The following L3MBTL3 variants were observed in gnomAD, a reference collection of about 807,000 sequenced individuals.
The protein encoded by L3MBTL3 is L3MBTL histone methyl-lysine binding protein 3.
L3MBTL3 carries 27 observed loss-of-function variants against 102.3 expected under a neutral mutation model. The observed-to-expected ratio is 0.26, with a 90% CI of 0.19 to 0.36. The LOEUF (loss-of-function observed/expected upper bound fraction) is 0.36. L3MBTL3 is among the 10% of genes least tolerant of loss of function. L3MBTL3 has a pLI of 1.00. For missense variants in L3MBTL3, 798 were observed against 955.3 expected (o/e 0.84, Z 2.17); for synonymous variants, 340 against 320.9 (o/e 1.06, Z -0.64).
chr6:130,067,756 C>T (rs930943766), intron 11 of L3MBTL3, among the ~76,000 whole-genome samples: 1 of 152,108 alleles, frequency 6.6e-6, no homozygotes, highest in Non-Finnish European at 1.5e-5. Flanking sequence ...AAATAAGATG[C>T]TCAATTTCCT....
chr6:130,071,844 A>G (rs1782657013), intron 13 of L3MBTL3, among the ~76,000 whole-genome samples: 1 of 152,176 alleles, frequency 6.6e-6, no homozygotes, highest in South Asian at 2.1e-4. Flanking sequence ...TAGTATCCAT[A>G]TATTTAAACA....
At chr6:130,054,085 T>C (rs1781297491) in intron 7 of L3MBTL3, among the ~76,000 whole-genome samples, 1 of 152,178 alleles carries the variant, frequency 6.6e-6, no homozygotes, top group South Asian at 2.1e-4. Flanking sequence ...GCATGAACAG[T>C]GTGATCTGAT....
chr6:130,030,458 C>T (rs1233515167), intron 2 of L3MBTL3, among the ~76,000 whole-genome samples: 6 of 151,612 alleles, frequency 4.0e-5, no homozygotes, highest in Non-Finnish European at 4.4e-5. Context: ...GTCAGGAGAT[C>T]GAGACCATCC....
At chr6:130,119,559 A>G (rs1026147635) in intron 19 of L3MBTL3, among the ~76,000 whole-genome samples, 16 of 152,122 alleles carry the variant, frequency 1.1e-4, no homozygotes, top group African/African-American at 3.6e-4. Flanking sequence ...CCGTAGCTTC[A>G]TCCTTCTACT....
intron 1 of L3MBTL3, among the ~76,000 whole-genome samples, chr6:130,021,789 C>T (rs1318232804): frequency 6.6e-6 from 1 of 152,152 alleles, no homozygotes; most frequent in African/African-American, 2.4e-5. Flanking sequence ...AATTTTGTTT[C>T]ACTGAGTACG....
chr6:130,093,994 C>T (rs1223915376), intron 17 of L3MBTL3, among the ~76,000 whole-genome samples: 3 of 152,096 alleles, frequency 2.0e-5, no homozygotes, highest in African/African-American at 4.8e-5. Flanking sequence ...GACTTTATGA[C>T]GTTTTGAAAG....
chr6:130,025,419 A>G (rs982928768), intron 2 of L3MBTL3, among the ~76,000 whole-genome samples: 4 of 152,176 alleles, frequency 2.6e-5, no homozygotes, highest in African/African-American at 9.6e-5. Flanking sequence ...ACGGATTTGT[A>G]TTGACTGTGG....
chr6:130,050,611 G>T (rs1481613053), intron 5 of L3MBTL3, among the ~76,000 whole-genome samples: 2 of 152,108 alleles, frequency 1.3e-5, no homozygotes. Flanking sequence ...ATAAATACTG[G>T]TTTTCTTGCC....
At chr6:130,129,081 G>A (rs1217846473) in intron 20 of L3MBTL3, among the ~76,000 whole-genome samples, 2 of 152,082 alleles carry the variant, frequency 1.3e-5, no homozygotes, top group African/African-American at 4.8e-5. Flanking sequence ...TGGTGGTGCT[G>A]TGTTCTAAGA....
chr6:130,127,285 C>T (rs79844377), intron 20 of L3MBTL3, among the ~76,000 whole-genome samples: 3,288 of 152,226 alleles, frequency 0.022, 115 homozygotes, highest in African/African-American at 0.074. Flanking sequence ...TTCTAGAGAA[C>T]TTCTCTCTGC....
intron 22 of L3MBTL3, chr6:130,137,614 G>GT (rs66739563): frequency 7.2e-4 from 105 of 146,606 alleles, no homozygotes; most frequent in African/African-American, 1.3e-3. Context: ...TTCTCTGGAT[G>GT]TTTTTTTTTT....
chr6:130,037,149 G>T (rs1328076570), intron 2 of L3MBTL3, among the ~76,000 whole-genome samples: 2 of 152,174 alleles, frequency 1.3e-5, no homozygotes, highest in African/African-American at 4.8e-5. Flanking sequence ...AGTATGTATT[G>T]TGCCTGACAC....
chr6:130,061,024 G>A (rs1331815621), intron 10 of L3MBTL3, among the ~76,000 whole-genome samples: 1 of 151,348 alleles, frequency 6.6e-6, no homozygotes, highest in Non-Finnish European at 1.5e-5. Flanking sequence ...ATAACATACG[G>A]TTACATAGGG....
At chr6:130,051,972 G>A (rs1781124565) in intron 6 of L3MBTL3, among the ~76,000 whole-genome samples, 1 of 152,210 alleles carries the variant, frequency 6.6e-6, no homozygotes, top group Admixed American at 6.5e-5. Flanking sequence ...GGGACAGTCT[G>A]ACAAAGTTCA....
intron 20 of L3MBTL3, among the ~76,000 whole-genome samples, chr6:130,128,332 C>G (rs1392112343): frequency 6.6e-6 from 1 of 152,120 alleles, no homozygotes; most frequent in Non-Finnish European, 1.5e-5. Context: ...GTCAGGAAAT[C>G]AGATTCCATT....
At chr6:130,058,967 C>A (rs1781710871) in intron 9 of L3MBTL3, among the ~76,000 whole-genome samples, 1 of 152,130 alleles carries the variant, frequency 6.6e-6, no homozygotes, top group Non-Finnish European at 1.5e-5. Flanking sequence ...AGGACGATTA[C>A]ATCTGCATTA....
rs750860380 is a variant in L3MBTL3, at chr6:130,104,493, G to GA, written c.1804_1805insA (p.Gly602GlufsTer2). The stretch of plus-strand genomic sequence containing the variant: ...CCGTATTTTTCCAGACCGCTTAAGT[G>GA]GTGAGATGCCTCCGGCTAGTCCGTC... On this transcript the variant is annotated frameshift_variant, in exon 19 of 23. Transcript: ENST00000361794. LOFTEE classifies it high-confidence loss of function. 4.4e-5 allele frequency: 70 copies of GA among 1,600,754 alleles called. No individual in the cohort carries two copies. Among genetic ancestry groups the GA allele is most frequent in the Non-Finnish European group, 5.7e-5 (67 of 1,173,812 alleles).
intron 6 of L3MBTL3, among the ~76,000 whole-genome samples, chr6:130,052,467 A>G (rs1055490664): frequency 7.9e-5 from 12 of 152,140 alleles, no homozygotes; most frequent in African/African-American, 2.2e-4. Context: ...CCTTTTTTCA[A>G]TTGGATTTGT....
intron 16 of L3MBTL3, among the ~76,000 whole-genome samples, chr6:130,089,016 A>C (rs1783866083): frequency 6.6e-6 from 1 of 152,110 alleles, no homozygotes; most frequent in African/African-American, 2.4e-5. Context: ...AGTGGATCTG[A>C]CATGCCTTTG....
Sources: allele counts gnomAD v4.1 joint callset (sites outside exome capture counted in the v4.1 genomes callset), GRCh38; gene constraint gnomAD v4.1.1; transcripts MANE v1.5; gene names NCBI Gene and HGNC (gene_info 2026-07-23, HGNC 2026-07-21).